Variants in COQ5 observed in about 807,000 individuals in gnomAD.
COQ5 encodes coenzyme Q5, methyltransferase.
COQ5 carries 27 observed loss-of-function variants against 40.5 expected under a neutral mutation model. That is an observed-to-expected ratio of 0.67 (90% CI 0.49 to 0.92). The LOEUF is 0.92. Among genes scored for constraint, COQ5 ranks in the 40% least tolerant of loss-of-function variants. COQ5 has a pLI of 0.00. For synonymous variants in COQ5, 141 were observed against 150.0 expected, an observed-to-expected ratio of 0.94 and a Z score of 0.44; for missense variants, 409 against 406.4, an observed-to-expected ratio of 1.01 and a Z score of -0.06.
At chr12:120,510,842 C>A (rs1043147922) in intron 3 of COQ5, among the ~76,000 whole-genome samples, 1 of 152,016 alleles carries the variant, frequency 6.6e-6, no homozygotes, top group Non-Finnish European at 1.5e-5. Context: ...CTCCAAGGAT[C>A]TTGATTAGAC....
rs150160756 is a variant in COQ5 at position 120,520,662 on chromosome 12, G to C, written c.352+1552C>G. On this transcript the variant is annotated intron_variant, in intron 2 of 6. Transcript: ENST00000288532. ...ATTTTTGTATTTTTAGTAGAGACGG[G>C]GTTTCACCATGTTGGCCAGACTGGT... Among the ~76,000 whole-genome samples the C allele has an allele frequency of 9.0e-3, 1,364 of 151,998 alleles. 10 individuals are homozygous for C. The highest frequency in any genetic ancestry group is 0.014 in the Non-Finnish European group (948 of 67,970).
chr12:120,518,377 C>T (rs575213975), intron 2 of COQ5, among the ~76,000 whole-genome samples: 36 of 143,920 alleles, frequency 2.5e-4, no homozygotes, highest in African/African-American at 9.0e-4. Context: ...TGCAGTAAGC[C>T]GAGATGACGC....
chr12:120,528,865 T>C, intron 1 of COQ5, 75 bp downstream of exon 1: 1 of 1,346,842 alleles, frequency 7.4e-7, no homozygotes, highest in Non-Finnish European at 1.1e-6. Context: ...GGATGTTAAA[T>C]CAACCCTAAC....
chr12:120,504,559 AT>A (rs11385536), intron 5 of COQ5: 324 of 263,032 alleles, frequency 1.2e-3, no homozygotes, highest in Middle Eastern at 4.5e-3. Flanking sequence ...AAATTTCCTG[AT>A]TTTTTTTTTT....
chr12:120,526,698 A>AGTTTTTTTT (rs1869960860), intron 1 of COQ5, among the ~76,000 whole-genome samples: 1 of 64,088 alleles, frequency 1.6e-5, no homozygotes, highest in Non-Finnish European at 2.5e-5. Context: ...ACTCTTGGCA[A>AGTTTTTTTT]TTTTTTTTTT....
intron 1 of COQ5, among the ~76,000 whole-genome samples, chr12:120,525,699 G>C (rs10849756): frequency 0.27 from 40,857 of 151,712 alleles, 6,603 homozygotes; most frequent in Admixed American, 0.39. Flanking sequence ...CTGAGGCGGG[G>C]GGATCACGAG....
At chr12:120,516,460 T>C (rs1242953684) in intron 3 of COQ5, 107 bp downstream of exon 3, 2 of 958,652 alleles carry the variant, frequency 2.1e-6, no homozygotes, top group South Asian at 1.3e-5. Context: ...TGCCCATCTA[T>C]AAGTTTCTGA....
intron 1 of COQ5, chr12:120,526,344 TTGAG>T (rs1286692128): frequency 1.1e-5 from 4 of 376,616 alleles, no homozygotes; most frequent in Non-Finnish European, 2.1e-5. Flanking sequence ...GAAATTCAAA[TTGAG>T]TGTCAGTGGA....
chr12:120,525,703 T>C (rs575412656), intron 1 of COQ5, among the ~76,000 whole-genome samples: 1 of 151,960 alleles, frequency 6.6e-6, no homozygotes, highest in East Asian at 1.9e-4. Context: ...GGCGGGGGGA[T>C]CACGAGGTCC....
rs1269632042 is a variant in COQ5 at position 120,503,379 on chromosome 12, G to A, written c.*405C>T. 2.7e-6 allele frequency: 1 copy of A among 366,364 alleles called. No homozygotes were observed. Among genetic ancestry groups the A allele is most frequent in the Non-Finnish European group, 5.3e-6 (1 of 187,570 alleles). 22.7% of individuals were successfully genotyped at this position (366,364 alleles called of 1,614,324 possible). ...CGTCCTAGGCTGAAAGGTTGATTCA[G>A]GTACAATTAAATTTTCTGGTTAAAA... On this transcript the variant is annotated 3_prime_UTR_variant, in exon 7 of 7. Transcript: ENST00000288532.
At chr12:120,522,782 A>G (rs1869732869) in intron 1 of COQ5, 1 of 662,828 alleles carries the variant, frequency 1.5e-6, no homozygotes, top group East Asian at 2.5e-5. Context: ...CCCCTTGGCA[A>G]TGCAGGAATG....
At chr12:120,511,711 A>C (rs750434491) in intron 3 of COQ5, among the ~76,000 whole-genome samples, 11 of 152,336 alleles carry the variant, frequency 7.2e-5, no homozygotes, top group Non-Finnish European at 1.5e-4. Context: ...CAGCTATGGC[A>C]TATCACCTCC....
chr12:120,504,572 T>A, intron 5 of COQ5: 1 of 341,998 alleles, frequency 2.9e-6, no homozygotes, highest in African/African-American at 2.1e-5. Flanking sequence ...TTTTTTTTTT[T>A]AAGCCAGTCA....
intron 4 of COQ5, among the ~76,000 whole-genome samples, chr12:120,507,784 G>A (rs549058831): frequency 2.0e-5 from 3 of 148,322 alleles, no homozygotes; most frequent in African/African-American, 7.3e-5. Flanking sequence ...CTACTTGGGA[G>A]GCTGAGGCAG....
intron 4 of COQ5, among the ~76,000 whole-genome samples, chr12:120,507,239 TAA>T (rs905174073): frequency 1.3e-5 from 2 of 151,946 alleles, no homozygotes; most frequent in Non-Finnish European, 2.9e-5. Flanking sequence ...TAACGATTAA[TAA>T]GAGACTAAAT....
intron 4 of COQ5, among the ~76,000 whole-genome samples, chr12:120,509,327 G>C (rs565469276): frequency 6.6e-6 from 1 of 152,154 alleles, no homozygotes; most frequent in African/African-American, 2.4e-5. Context: ...GATCAACCTG[G>C]GCAACATGGC....
At chr12:120,511,547 AG>A (rs1185464688) in intron 3 of COQ5, among the ~76,000 whole-genome samples, 2 of 152,112 alleles carry the variant, frequency 1.3e-5, no homozygotes, top group African/African-American at 4.8e-5. Context: ...GAGACTCAGG[AG>A]GCTGAGGTGG....
chr12:120,508,564 TG>T (rs1183613328), intron 4 of COQ5, among the ~76,000 whole-genome samples: 3 of 152,114 alleles, frequency 2.0e-5, no homozygotes, highest in African/African-American at 7.2e-5. Context: ...AAATATCAAT[TG>T]GTTATTAGTT....
At chr12:120,511,132 C>T (rs183728058) in intron 3 of COQ5, among the ~76,000 whole-genome samples, 74 of 151,928 alleles carry the variant, frequency 4.9e-4, no homozygotes, top group Non-Finnish European at 9.3e-4. Flanking sequence ...TGGCATGCAC[C>T]TGTAGTCCCA....
Sources: allele counts gnomAD v4.1 joint callset (sites outside exome capture counted in the v4.1 genomes callset), GRCh38; gene constraint gnomAD v4.1.1; transcripts MANE v1.5; gene names NCBI Gene and HGNC (gene_info 2026-07-23, HGNC 2026-07-21).